Variants in ADGRD1 observed in about 807,000 individuals in gnomAD.
ADGRD1 encodes adhesion G protein-coupled receptor D1.
Under a neutral mutation model 113.4 loss-of-function variants are expected in ADGRD1, and 77 were observed. The ratio of observed to expected loss-of-function variants is 0.68; its 90% CI spans 0.57 to 0.82. The LOEUF (loss-of-function observed/expected upper bound fraction) is 0.82. Ranked by LOEUF, ADGRD1 falls within the 40% of genes least tolerant of loss-of-function variation. The probability of loss-of-function intolerance (pLI) is 0.00; values close to 1 mark genes in which losing one functional copy is unlikely to be tolerated. For synonymous variants in ADGRD1, 474 were observed against 475.0 expected (o/e 1.00, Z 0.03); for missense variants, 1,036 against 1,139.1 (o/e 0.91, Z 1.30).
chr12:131,027,830 T>G lies in ADGRD1; in HGVS notation c.1473+13490T>G, dbSNP rs1880143932. The G allele has an allele frequency of 6.6e-6, 1 of 152,108 alleles. No homozygotes were observed. The highest frequency in any genetic ancestry group is 2.4e-5 in the African/African-American group (1 of 41,418). The allele number at this position is 152,108 out of a possible 1,614,324, so 9.4% of individuals were successfully genotyped here. The stretch of plus-strand genomic sequence containing the variant: ...CGTATATGTGTGTATGGTATGACAG[T>G]TTTTACAAAGCGAACATACCCAAGA... On this transcript the variant is annotated intron_variant, in intron 13 of 24. Transcript: ENST00000261654. The surrounding 1 kb of genome is among the most constrained non-coding windows in gnomAD (Gnocchi z 5.1).
In ADGRD1 at chr12:131,097,090, C is replaced by T. The variant is rs181616381; in HGVS notation, c.1672-7741C>T. 4.0e-3 allele frequency among the ~76,000 whole-genome samples: 609 copies of T among 152,288 alleles called. 2 individuals are homozygous for T. The highest frequency in any genetic ancestry group is 6.8e-3 in the Non-Finnish European group (460 of 68,022). On this transcript the variant is annotated intron_variant, in intron 15 of 24. Coordinates refer to ENST00000261654, the MANE Select transcript of ADGRD1 (RefSeq NM_198827.5). Reference sequence around the variant, plus strand: ...CTCATTCCTGGGCCACCTCACTACCCCTATGAGGTCCCCCTTTCTCTCCCC... The same window carrying T: ...CTCATTCCTGGGCCACCTCACTACCTCTATGAGGTCCCCCTTTCTCTCCCC...
intron 13 of ADGRD1, among the ~76,000 whole-genome samples, chr12:131,017,922 GCA>G (rs1480328691): frequency 6.6e-5 from 10 of 151,736 alleles, no homozygotes; most frequent in African/African-American, 2.4e-4. Context: ...CACACACCCA[GCA>G]CAGACACACA....
At position 131,139,969 on chromosome 12, in the gene ADGRD1, C is replaced by T. The variant is rs3741462; in HGVS notation, c.*706C>T. 13,554 of 152,486 alleles carry T rather than the reference C, an allele frequency of 0.089. 589 individuals carry two copies. The highest frequency in any genetic ancestry group is 0.14 in the Middle Eastern group (40 of 292). 9.4% of individuals were successfully genotyped at this position (152,486 alleles called of 1,614,324 possible). On this transcript the variant is annotated 3_prime_UTR_variant, in exon 25 of 25. Transcript: ENST00000261654. ...TCCTTGGGGGGGTCCCCTCTGCTCA[C>T]GTGAAGAGCCGCTCTGGGCCTTGAG...
chr12:130,982,079 G>A lies in ADGRD1; in HGVS notation c.490+16G>A, dbSNP rs748873756. ...AGCCCCCCAGGTGAGTGACAGCATC[G>A]GTCCCGGGAGGCTCTGCCTGGAGGA... On this transcript the variant is annotated intron_variant, in intron 5 of 24. Transcript: ENST00000261654. 1.9e-5 allele frequency: 30 copies of A among 1,607,062 alleles called. No homozygotes were observed. The highest frequency in any genetic ancestry group is 1.9e-4 in the Middle Eastern group (1 of 5,202).
At chr12:131,069,920 G>A (rs181074040) in intron 13 of ADGRD1, 12 of 152,300 alleles carry the variant, frequency 7.9e-5, no homozygotes, top group African/African-American at 2.9e-4. Flanking sequence ...AAAGAATACA[G>A]GTCGCCTTGT....
rs889494372 is a variant in ADGRD1 at position 131,104,474 on chromosome 12, G to A, written c.1672-357G>A. Among the ~76,000 whole-genome samples, 6 of 152,180 alleles carry A rather than the reference G, an allele frequency of 3.9e-5. No individual in the cohort carries two copies. The East Asian group carries it at 7.7e-4, about 20-fold the overall frequency. ...CGTGGCCCAGCTGGGACTTGAACCCGGGAGGTCTGGCTCTGGGGCTGACTG... is the reference window on the plus strand; with the variant it reads ...CGTGGCCCAGCTGGGACTTGAACCCAGGAGGTCTGGCTCTGGGGCTGACTG... On this transcript the variant is annotated intron_variant, in intron 15 of 24. Coordinates refer to ENST00000261654, the MANE Select transcript of ADGRD1 (RefSeq NM_198827.5).
At chr12:131,043,929 G>C (rs1337040180) in intron 13 of ADGRD1, among the ~76,000 whole-genome samples, 1 of 152,158 alleles carries the variant, frequency 6.6e-6, no homozygotes, top group Non-Finnish European at 1.5e-5. Flanking sequence ...GGGGTCTTTT[G>C]GGGACCTTAT....
chr12:131,068,641 A>G (rs1189648240), intron 13 of ADGRD1, among the ~76,000 whole-genome samples: 1 of 152,238 alleles, frequency 6.6e-6, no homozygotes, highest in East Asian at 1.9e-4. Flanking sequence ...ACACTCTGGC[A>G]TTAGCAATGC....
At chr12:131,135,507 A>G (rs1951052358) in intron 21 of ADGRD1, among the ~76,000 whole-genome samples, 2 of 152,158 alleles carry the variant, frequency 1.3e-5, no homozygotes, top group Non-Finnish European at 2.9e-5. Flanking sequence ...ACTCACCGTC[A>G]GTGTCACAGG....
intron 20 of ADGRD1, 75 bp from the exon 21 acceptor site, chr12:131,131,650 G>A (rs924836781): frequency 9.6e-7 from 1 of 1,044,502 alleles, no homozygotes; most frequent in Non-Finnish European, 1.5e-6. Context: ...GGTGAGGGCA[G>A]TGGCCAGGCG....
intron 2 of ADGRD1, among the ~76,000 whole-genome samples, chr12:130,961,418 G>A (rs929891350): frequency 4.0e-5 from 6 of 150,812 alleles, no homozygotes; most frequent in African/African-American, 1.5e-4. Flanking sequence ...TCTCTCTCTC[G>A]TTCTTTCTCT....
intron 2 of ADGRD1, among the ~76,000 whole-genome samples, chr12:130,959,124 A>G (rs1028950158): frequency 2.0e-5 from 3 of 152,250 alleles, no homozygotes; most frequent in Non-Finnish European, 2.9e-5. Flanking sequence ...TCTCCAGTAT[A>G]GAGCGAGAGC....
intron 20 of ADGRD1, among the ~76,000 whole-genome samples, chr12:131,123,039 GTTTTTTTTTTTTTTTTTTTTTTT>G (rs552353187): frequency 1.4e-4 from 7 of 51,370 alleles, no homozygotes; most frequent in Non-Finnish European, 2.5e-4. Context: ...TACCTGGGGA[GTTTTTTTTTTTTTTTTTTTTTTT>G]TTTTTTTTTT....
intron 13 of ADGRD1, among the ~76,000 whole-genome samples, chr12:131,038,385 A>G (rs10160896): frequency 0.47 from 71,589 of 151,932 alleles, 18,047 homozygotes; most frequent in Non-Finnish European, 0.56. Flanking sequence ...CCTGCCTGCC[A>G]CCTCCGGGTT....
Position 130,954,736 on chromosome 12 carries a change from G to C in ADGRD1, c.103+76G>C, listed in dbSNP as rs1869318599. 45 of 1,403,878 alleles carry C rather than the reference G, an allele frequency of 3.2e-5. No individual in the cohort carries two copies. The highest frequency in any genetic ancestry group is 4.5e-5 in the Non-Finnish European group (45 of 990,546). 87.0% of individuals were successfully genotyped at this position (1,403,878 alleles called of 1,614,324 possible). ...CAGGTATCTCAGGAACAGCCCACTT[G>C]TTCATCTCTGAGGCATCAGCGAATG... On this transcript the variant is annotated intron_variant, in intron 2 of 24. Coordinates refer to ENST00000261654, the MANE Select transcript of ADGRD1 (RefSeq NM_198827.5). The surrounding 1 kb of genome is among the most constrained non-coding windows in gnomAD (Gnocchi z 4.7).
intron 13 of ADGRD1, among the ~76,000 whole-genome samples, chr12:131,032,040 AC>A (rs1880822728): frequency 6.6e-6 from 1 of 152,066 alleles, no homozygotes; most frequent in African/African-American, 2.4e-5. Context: ...GCTGTGCCCC[AC>A]AGATAGAGGG....
intron 13 of ADGRD1, among the ~76,000 whole-genome samples, chr12:131,021,953 C>G (rs1395116648): frequency 6.6e-6 from 1 of 152,180 alleles, no homozygotes; most frequent in African/African-American, 2.4e-5. Flanking sequence ...GCGATTCTGC[C>G]TCAGCCTCCC....
chr12:130,960,553 GATTT>G (rs1313041618), intron 2 of ADGRD1, among the ~76,000 whole-genome samples: 6 of 124,528 alleles, frequency 4.8e-5, no homozygotes, highest in African/African-American at 1.8e-4. Context: ...TATGTTTATT[GATTT>G]ATTTATTTAT....
intron 18 of ADGRD1, among the ~76,000 whole-genome samples, chr12:131,114,279 A>C (rs561737858): frequency 5.3e-4 from 80 of 152,344 alleles, no homozygotes; most frequent in African/African-American, 1.9e-3. Context: ...ACAAGATTAC[A>C]AAGTTCTTTT....
Sources: gnomAD v4.1 joint callset for allele counts (sites outside exome capture counted in the v4.1 genomes callset) on GRCh38, gnomAD v4.1.1 for gene constraint, Gnocchi (gnomAD v3.1) non-coding constraint, MANE v1.5 for transcripts, NCBI Gene and HGNC (gene_info 2026-07-23, HGNC 2026-07-21) for gene names.